INPP4B: variants seen among roughly 807,000 people sequenced by gnomAD.
INPP4B encodes the protein inositol polyphosphate 4-phosphatase type II.
A neutral mutation model predicts 122.5 loss-of-function variants in INPP4B; 55 were observed. The ratio of observed to expected loss-of-function variants is 0.45; its 90% CI spans 0.36 to 0.56. INPP4B has a LOEUF of 0.56. Among genes scored for constraint, INPP4B ranks in the 20% least tolerant of loss-of-function variants. The probability of loss-of-function intolerance (pLI) is 0.00; values close to 1 mark genes in which losing one functional copy is unlikely to be tolerated. For synonymous variants in INPP4B, 403 were observed against 388.7 expected (o/e 1.04, Z -0.43); for missense variants, 1,000 against 1,097.7 (o/e 0.91, Z 1.26).
At chr4:142,097,203 AT>A (rs1782189369) in intron 23 of INPP4B, among the ~76,000 whole-genome samples, 1 of 102,764 alleles carries the variant, frequency 9.7e-6, no homozygotes, top group African/African-American at 3.2e-5. Context: ...AGCCATGTCC[AT>A]TTTTTGTTTA....
intron 25 of INPP4B, among the ~76,000 whole-genome samples, chr4:142,075,815 G>A (rs1030897520): frequency 2.6e-5 from 4 of 152,024 alleles, no homozygotes; most frequent in Non-Finnish European, 5.9e-5. Context: ...CTGAGGCCTT[G>A]AGATTAATTA....
At chr4:142,693,008 TAA>T (rs377252315) in intron 2 of INPP4B, among the ~76,000 whole-genome samples, 2 of 141,552 alleles carry the variant, frequency 1.4e-5, no homozygotes, top group Non-Finnish European at 1.5e-5. Context: ...CTTGATGCCT[TAA>T]AAAAAAAAAA....
At chr4:142,783,885 A>C (rs1253198383) in intron 1 of INPP4B, among the ~76,000 whole-genome samples, 3 of 152,126 alleles carry the variant, frequency 2.0e-5, no homozygotes, top group Admixed American at 1.3e-4. Context: ...AATGTTTGCA[A>C]ACAGGTAAAG....
chr4:142,234,827 C>T (rs1371755326), intron 12 of INPP4B, among the ~76,000 whole-genome samples: 1 of 152,046 alleles, frequency 6.6e-6, no homozygotes, highest in African/African-American at 2.4e-5. Context: ...TTGTCTTTCC[C>T]AAAAGTGCCC....
intron 2 of INPP4B, among the ~76,000 whole-genome samples, chr4:142,686,723 A>T (rs1394843721): frequency 2.0e-5 from 3 of 152,140 alleles, no homozygotes; most frequent in Non-Finnish European, 4.4e-5. Flanking sequence ...ACACAGTTTT[A>T]TCAGTTATAA....
chr4:142,359,443 T>G (rs1784694553), intron 7 of INPP4B, among the ~76,000 whole-genome samples: 1 of 152,000 alleles, frequency 6.6e-6, no homozygotes, highest in South Asian at 2.1e-4. Context: ...GAAAGATGAT[T>G]AGTATTACTA....
chr4:142,777,134 AC>A (rs1422586093), intron 1 of INPP4B, among the ~76,000 whole-genome samples: 1 of 152,028 alleles, frequency 6.6e-6, no homozygotes, highest in East Asian at 1.9e-4. Context: ...ACAACTATGG[AC>A]TTTTATATGT....
intron 23 of INPP4B, among the ~76,000 whole-genome samples, chr4:142,103,905 C>A (rs542776889): frequency 1.3e-5 from 2 of 151,900 alleles, no homozygotes; most frequent in Admixed American, 6.6e-5. Context: ...TGTATACAAT[C>A]CTTATTGATG....
intron 2 of INPP4B, among the ~76,000 whole-genome samples, chr4:142,649,899 C>G (rs927687051): frequency 2.6e-5 from 4 of 152,120 alleles, no homozygotes; most frequent in Non-Finnish European, 5.9e-5. Flanking sequence ...AGAGCAACCT[C>G]AAGACACATA....
intron 2 of INPP4B, among the ~76,000 whole-genome samples, chr4:142,476,880 A>G (rs1456198065): frequency 6.6e-6 from 1 of 152,178 alleles, no homozygotes; most frequent in Non-Finnish European, 1.5e-5. Flanking sequence ...CCCCACTGAC[A>G]GATAGTATGA....
intron 1 of INPP4B, among the ~76,000 whole-genome samples, chr4:142,746,620 T>G (rs2150934928): frequency 6.6e-6 from 1 of 152,206 alleles, no homozygotes; most frequent in African/African-American, 2.4e-5. Context: ...GATTTCAAAC[T>G]ATATAACAAG....
intron 7 of INPP4B, among the ~76,000 whole-genome samples, chr4:142,328,784 T>C (rs1211708199): frequency 1.3e-5 from 2 of 152,262 alleles, no homozygotes; most frequent in African/African-American, 2.4e-5. Flanking sequence ...TTAATATAAC[T>C]GTATAAACAT....
At chr4:142,571,203 T>TC (rs1332196766) in intron 2 of INPP4B, among the ~76,000 whole-genome samples, 25 of 152,108 alleles carry the variant, frequency 1.6e-4, no homozygotes, top group African/African-American at 6.0e-4. Flanking sequence ...CCTGCCTTTA[T>TC]TTTTCTCTTC....
At chr4:142,036,246 G>C (rs970099618) in intron 25 of INPP4B, among the ~76,000 whole-genome samples, 1 of 149,318 alleles carries the variant, frequency 6.7e-6, no homozygotes, top group African/African-American at 2.6e-5. Context: ...TAAGGTGAAG[G>C]TTATCTGCAG....
chr4:142,316,796 T>A (rs1241376332), intron 7 of INPP4B, among the ~76,000 whole-genome samples: 1 of 152,178 alleles, frequency 6.6e-6, no homozygotes, highest in Non-Finnish European at 1.5e-5. Context: ...CAATTAATAT[T>A]CTTTATCCTA....
At chr4:142,750,999 T>G (rs953465990) in intron 1 of INPP4B, among the ~76,000 whole-genome samples, 1 of 152,012 alleles carries the variant, frequency 6.6e-6, no homozygotes, top group African/African-American at 2.4e-5. Context: ...TCATACAGTA[T>G]GCAAAAGAAC....
At position 142,823,691 on chromosome 4, in the gene INPP4B, A is replaced by G. The variant is rs1306082742; in HGVS notation, c.-254+22518T>C. Among the ~76,000 whole-genome samples, 4 of 152,204 alleles carry G rather than the reference A, an allele frequency of 2.6e-5. No homozygotes were observed. In the South Asian group the frequency reaches 8.3e-4, roughly 31 times the overall value. The stretch of plus-strand genomic sequence containing the variant: ...CAAAAAAGTATGCTGTCTTTAGGAC[A>G]CAACTGACTTTTGATTGTTCCAGTT... On this transcript the variant is annotated intron_variant, in intron 1 of 25. Transcript: ENST00000262992.
chr4:142,542,542 A>C (rs1191250581), intron 2 of INPP4B, among the ~76,000 whole-genome samples: 1 of 152,210 alleles, frequency 6.6e-6, no homozygotes, highest in East Asian at 1.9e-4. Flanking sequence ...CTTTTACTTA[A>C]TTAATACACA....
Position 142,237,849 on chromosome 4 carries a change from G to T in INPP4B, c.836+15C>A. 7.0e-7 allele frequency: 1 copy of T among 1,434,270 alleles called. No homozygotes were observed. Among genetic ancestry groups the T allele is most frequent in the Non-Finnish European group, 9.6e-7 (1 of 1,045,468 alleles). The allele number at this position is 1,434,270 out of a possible 1,614,324, so 88.8% of individuals were successfully genotyped here. ...AAAATAATTAATATGAGAGAAAATA[G>T]TTATTTTCTCTTACCTGCACAAATC... On this transcript the variant is annotated intron_variant, in intron 12 of 25. Transcript: ENST00000262992.
Sources: allele counts gnomAD v4.1 joint callset (sites outside exome capture counted in the v4.1 genomes callset), GRCh38; gene constraint gnomAD v4.1.1; transcripts MANE v1.5; gene names NCBI Gene and HGNC (gene_info 2026-07-23, HGNC 2026-07-21).